Variants in CPEB4 observed in about 807,000 individuals in gnomAD.
The protein encoded by CPEB4 is cytoplasmic polyadenylation element-binding protein 4.
CPEB4 carries 12 observed loss-of-function variants against 72.5 expected under a neutral mutation model. The observed-to-expected ratio is 0.17, with a 90% CI of 0.11 to 0.27. CPEB4 has a LOEUF of 0.27. CPEB4 is among the 10% of genes least tolerant of loss of function. The pLI is 1.00. For synonymous variants in CPEB4, 302 were observed against 326.3 expected (o/e 0.93, Z 0.80); for missense variants, 614 against 908.5 (o/e 0.68, Z 4.17).
chr5:173,928,799 T>C (rs1426521763), intron 2 of CPEB4, among the ~76,000 whole-genome samples: 1 of 152,248 alleles, frequency 6.6e-6, no homozygotes, highest in Non-Finnish European at 1.5e-5. Flanking sequence ...AAATGATATG[T>C]GTTATCCATA....
At position 173,888,534 on chromosome 5, in the gene CPEB4, A is replaced by AAGC. The variant is rs1005381015; in HGVS notation, c.-1199_-1197dup. ...CAGCGGGGACTGCGGGACCAGGGTAAAGCGGCGACGGCGGCGACGGCCCAG... is the reference window on the plus strand; with the variant it reads ...CAGCGGGGACTGCGGGACCAGGGTAAAGCAGCGGCGACGGCGGCGACGGCCCAG... On this transcript the variant is annotated 5_prime_UTR_variant, in exon 1 of 10. Coordinates refer to ENST00000265085, the MANE Select transcript of CPEB4 (RefSeq NM_030627.4). The surrounding 1 kb of genome is among the most constrained non-coding windows in gnomAD (Gnocchi z 4.3). 190 of 404,138 alleles carry AAGC rather than the reference A, an allele frequency of 4.7e-4. No individual in the cohort carries two copies. The highest frequency in any genetic ancestry group is 7.0e-4 in the Non-Finnish European group (162 of 229,880). 25.0% of individuals were successfully genotyped at this position (404,138 alleles called of 1,614,324 possible).
chr5:173,906,574 T>C (rs1756443800), intron 1 of CPEB4, among the ~76,000 whole-genome samples: 2 of 152,216 alleles, frequency 1.3e-5, no homozygotes, highest in South Asian at 2.1e-4. Flanking sequence ...CATCGGACCT[T>C]ATACCTTGCA....
intron 1 of CPEB4, among the ~76,000 whole-genome samples, chr5:173,905,666 T>C (rs1756409308): frequency 6.6e-6 from 1 of 152,208 alleles, no homozygotes; most frequent in Non-Finnish European, 1.5e-5. Flanking sequence ...TACTAATTGA[T>C]CACTGACCCT....
intron 1 of CPEB4, chr5:173,893,328 A>T (rs1343992975): frequency 2.6e-5 from 4 of 152,132 alleles, no homozygotes; most frequent in Admixed American, 2.0e-4. Flanking sequence ...AATTTGTCTT[A>T]TTTAAATTTA....
rs955773750 is a variant in CPEB4, at chr5:173,955,098, G to A, written c.1963-812G>A. Among the ~76,000 whole-genome samples the A allele has an allele frequency of 1.3e-5, 2 of 152,214 alleles. No individual in the cohort carries two copies. Among genetic ancestry groups the A allele is most frequent in the African/African-American group, 4.8e-5 (2 of 41,462 alleles). On this transcript the variant is annotated intron_variant, in intron 9 of 9. Coordinates refer to ENST00000265085, the MANE Select transcript of CPEB4 (RefSeq NM_030627.4). The surrounding 1 kb of genome is among the most constrained non-coding windows in gnomAD (Gnocchi z 4.7). ...GTGGCACCAGTGCTGGTGACAGCCT[G>A]CTGTAAGGGAGTTTCAGCCATGAAT...
At chr5:173,899,603 T>A (rs970168954) in intron 1 of CPEB4, among the ~76,000 whole-genome samples, 1 of 152,166 alleles carries the variant, frequency 6.6e-6, no homozygotes, top group Non-Finnish European at 1.5e-5. Flanking sequence ...AGTATACCGT[T>A]TTCCTCCCTT....
At chr5:173,912,593 A>C (rs1444355886) in intron 2 of CPEB4, among the ~76,000 whole-genome samples, 1 of 151,622 alleles carries the variant, frequency 6.6e-6, no homozygotes, top group East Asian at 1.9e-4. Context: ...GAAAAAGAAA[A>C]AAACACAGAC....
chr5:173,899,680 G>A, intron 1 of CPEB4, among the ~76,000 whole-genome samples: 1 of 152,234 alleles, frequency 6.6e-6, no homozygotes, highest in East Asian at 1.9e-4. Context: ...AAGGAAAGAT[G>A]AGTGAGAGAA....
intron 2 of CPEB4, among the ~76,000 whole-genome samples, chr5:173,930,303 G>A (rs568241857): frequency 2.0e-5 from 3 of 152,260 alleles, no homozygotes; most frequent in South Asian, 2.1e-4. Flanking sequence ...CAATCTGCCC[G>A]CCTCGGCCTC....
At chr5:173,952,807 A>G (rs141806020) in intron 8 of CPEB4, among the ~76,000 whole-genome samples, 70 of 152,332 alleles carry the variant, frequency 4.6e-4, no homozygotes, top group African/African-American at 1.6e-3. Flanking sequence ...GGACAGATGG[A>G]TCACCCTTTC....
chr5:173,922,559 G>T (rs894277611), intron 2 of CPEB4, among the ~76,000 whole-genome samples: 3 of 152,066 alleles, frequency 2.0e-5, no homozygotes, highest in Admixed American at 1.3e-4. Context: ...TTTAGGAGAT[G>T]GTACAAAATT....
intron 1 of CPEB4, among the ~76,000 whole-genome samples, chr5:173,904,250 A>G (rs537003361): frequency 7.2e-5 from 11 of 152,200 alleles, no homozygotes; most frequent in Admixed American, 1.3e-4. Context: ...ATAATAACTG[A>G]ACATATCTAA....
chr5:173,893,256 C>A (rs895085921), intron 1 of CPEB4: 3 of 152,054 alleles, frequency 2.0e-5, no homozygotes, highest in Non-Finnish European at 2.9e-5. Flanking sequence ...ACCAATAATT[C>A]TTGTGAATTA....
chr5:173,929,759 C>T (rs1296352718), intron 2 of CPEB4, among the ~76,000 whole-genome samples: 1 of 152,078 alleles, frequency 6.6e-6, no homozygotes, highest in Non-Finnish European at 1.5e-5. Flanking sequence ...GATTATGGTT[C>T]ATATAGAACA....
chr5:173,893,910 A>G (rs776235700), intron 1 of CPEB4, among the ~76,000 whole-genome samples: 4 of 152,206 alleles, frequency 2.6e-5, no homozygotes, highest in Non-Finnish European at 4.4e-5. Context: ...ATTTTTGTAT[A>G]TTAAAAGGTG....
intron 3 of CPEB4, 95 bp from the exon 4 acceptor site, chr5:173,942,931 A>G: frequency 7.8e-7 from 1 of 1,287,954 alleles, no homozygotes; most frequent in South Asian, 1.3e-5. Context: ...TCCATTTTCA[A>G]AAGCTGGTAG....
intron 2 of CPEB4, among the ~76,000 whole-genome samples, chr5:173,927,534 T>TA (rs1261625486): frequency 3.4e-4 from 52 of 152,290 alleles, no homozygotes; most frequent in Middle Eastern, 3.4e-3. Context: ...TCCCAGCACT[T>TA]CGGGAGGCCG....
At position 173,956,219 on chromosome 5, in the gene CPEB4, C is replaced by G. The variant is rs1050432776; in HGVS notation, c.*82C>G. On this transcript the variant is annotated 3_prime_UTR_variant, in exon 10 of 10. Coordinates refer to ENST00000265085, the MANE Select transcript of CPEB4 (RefSeq NM_030627.4). Reference sequence around the variant, plus strand: ...TCTGACCCCTTCCTCAACCTCTTCACGCTGGCATGTCCTTTTGTAGCAGTC... The same window carrying G: ...TCTGACCCCTTCCTCAACCTCTTCAGGCTGGCATGTCCTTTTGTAGCAGTC... 2 of 1,042,108 alleles carry G rather than the reference C, an allele frequency of 1.9e-6. No homozygotes were observed. The highest frequency in any genetic ancestry group is 3.1e-5 in the African/African-American group (2 of 63,762). 64.6% of individuals were successfully genotyped at this position (1,042,108 alleles called of 1,614,324 possible). A position where few individuals can be genotyped will look rare whatever the true frequency, so the allele number is the denominator to read the frequency against.
At chr5:173,924,890 C>T (rs1331406949) in intron 2 of CPEB4, among the ~76,000 whole-genome samples, 2 of 152,170 alleles carry the variant, frequency 1.3e-5, no homozygotes, top group African/African-American at 4.8e-5. Context: ...TCTCATTGCC[C>T]TACAGCAAGA....
Sources: allele counts gnomAD v4.1 joint callset (sites outside exome capture counted in the v4.1 genomes callset), GRCh38; gene constraint gnomAD v4.1.1; non-coding constraint Gnocchi (gnomAD v3.1); transcripts MANE v1.5; gene names NCBI Gene and HGNC (gene_info 2026-07-23, HGNC 2026-07-21).